The following GLO1 variants were observed in gnomAD, a reference collection of about 807,000 sequenced individuals.
GLO1 encodes lactoylglutathione lyase.
A neutral mutation model predicts 26.0 loss-of-function variants in GLO1; 28 were observed. The ratio of observed to expected loss-of-function variants is 1.08; its 90% CI spans 0.80 to 1.48. The LOEUF (loss-of-function observed/expected upper bound fraction) is 1.48, where lower values mean the gene tolerates loss of function less well. Among genes scored for constraint, GLO1 ranks in the 40% most tolerant of loss-of-function variants. The probability of loss-of-function intolerance (pLI) is 0.00; values close to 1 mark genes in which losing one functional copy is unlikely to be tolerated. For missense variants in GLO1, 225 were observed against 224.8 expected, an observed-to-expected ratio of 1.00 and a Z score of -0.01; for synonymous variants, 78 against 77.6, an observed-to-expected ratio of 1.00 and a Z score of -0.03.
Position 38,703,082 on chromosome 6 carries a change from G to A in GLO1, c.-28C>T. ...CTGCGCTGCAGTATCACAGACGACGGGACCCAAGGAACGGAGGAGTCACCC... is the reference window on the plus strand; with the variant it reads ...CTGCGCTGCAGTATCACAGACGACGAGACCCAAGGAACGGAGGAGTCACCC... On this transcript the variant is annotated 5_prime_UTR_variant, in exon 1 of 6. Coordinates refer to ENST00000373365, the MANE Select transcript of GLO1 (RefSeq NM_006708.3). 1.5e-6 allele frequency: 2 copies of A among 1,352,932 alleles called. No individual in the cohort carries two copies. Among genetic ancestry groups the A allele is most frequent in the Non-Finnish European group, 2.1e-6 (2 of 955,672 alleles). The allele number at this position is 1,352,932 out of a possible 1,614,324, so 83.8% of individuals were successfully genotyped here.
intron 5 of GLO1, among the ~76,000 whole-genome samples, chr6:38,677,732 T>C (rs1562479096): frequency 6.6e-6 from 1 of 152,260 alleles, no homozygotes; most frequent in Admixed American, 6.5e-5. Flanking sequence ...CTTTTATTAA[T>C]TAAAGATTTA....
chr6:38,696,154 T>C (rs1353836652), intron 1 of GLO1, among the ~76,000 whole-genome samples: 2 of 151,450 alleles, frequency 1.3e-5, no homozygotes, highest in African/African-American at 4.8e-5. Context: ...CAATGGGATA[T>C]GAGTGTATTT....
At chr6:38,692,991 TC>T in intron 1 of GLO1, among the ~76,000 whole-genome samples, 1 of 152,136 alleles carries the variant, frequency 6.6e-6, no homozygotes, top group African/African-American at 2.4e-5. Context: ...TCTGTAGTTT[TC>T]TTGTACTGTC....
intron 3 of GLO1, among the ~76,000 whole-genome samples, chr6:38,683,844 G>A (rs929753515): frequency 1.3e-4 from 20 of 151,880 alleles, no homozygotes; most frequent in Non-Finnish European, 1.9e-4. Flanking sequence ...CCGAGATCGC[G>A]CCACTGCACT....
At chr6:38,679,873 C>A (rs1445766046) in intron 5 of GLO1, among the ~76,000 whole-genome samples, 1 of 150,658 alleles carries the variant, frequency 6.6e-6, no homozygotes, top group African/African-American at 2.4e-5. Context: ...GCAAACTAAG[C>A]GAAAATTAGA....
intron 1 of GLO1, among the ~76,000 whole-genome samples, chr6:38,693,679 C>CTATA (rs1303486732): frequency 1.7e-3 from 160 of 96,332 alleles, no homozygotes; most frequent in African/African-American, 4.6e-3. Flanking sequence ...CTCTCTCTCT[C>CTATA]TCTCTCTATA....
intron 2 of GLO1, among the ~76,000 whole-genome samples, chr6:38,686,397 A>AAAAAG (rs1190012396): frequency 3.9e-5 from 6 of 152,256 alleles, no homozygotes; most frequent in African/African-American, 1.4e-4. Flanking sequence ...AGCTGGAGAA[A>AAAAAG]AAAAGAAAAA....
chr6:38,702,181 C>A (rs1412716008), intron 1 of GLO1, among the ~76,000 whole-genome samples: 2 of 152,156 alleles, frequency 1.3e-5, no homozygotes, highest in Admixed American at 6.5e-5. Context: ...CCCGCCTTGG[C>A]CTCCCAAAGT....
chr6:38,680,642 T>C (rs1761359130), intron 5 of GLO1, among the ~76,000 whole-genome samples: 2 of 152,192 alleles, frequency 1.3e-5, no homozygotes, highest in South Asian at 4.1e-4. Flanking sequence ...GTAATCCCAG[T>C]GCTTTGGGAG....
intron 1 of GLO1, among the ~76,000 whole-genome samples, chr6:38,693,162 ATCT>A (rs144027100): frequency 0.022 from 3,281 of 152,260 alleles, 90 homozygotes; most frequent in African/African-American, 0.074. Context: ...GTCTGGACAA[ATCT>A]TCTTTGGAAG....
intron 1 of GLO1, among the ~76,000 whole-genome samples, chr6:38,699,353 T>C (rs897883727): frequency 6.6e-6 from 1 of 152,224 alleles, no homozygotes; most frequent in African/African-American, 2.4e-5. Flanking sequence ...ACCACTGAGA[T>C]AATTGTGTTA....
intron 2 of GLO1, among the ~76,000 whole-genome samples, chr6:38,685,203 G>A (rs1186488644): frequency 1.3e-5 from 2 of 152,188 alleles, no homozygotes; most frequent in Non-Finnish European, 2.9e-5. Context: ...TAAAACAGTA[G>A]CAAGCATGGC....
intron 1 of GLO1, among the ~76,000 whole-genome samples, chr6:38,687,636 G>C (rs1408764666): frequency 2.6e-5 from 4 of 152,158 alleles, no homozygotes; most frequent in Non-Finnish European, 5.9e-5. Flanking sequence ...GAAACAGAAG[G>C]CTTGACTGAG....
chr6:38,682,703 A>G lies in GLO1; in HGVS notation c.376+105T>C, dbSNP rs1582774686. 5.0e-6 allele frequency: 3 copies of G among 605,530 alleles called. No homozygotes were observed. The East Asian group carries it at 8.6e-5, about 17-fold the overall frequency. 37.5% of individuals were successfully genotyped at this position (605,530 alleles called of 1,614,324 possible). On this transcript the variant is annotated intron_variant, in intron 4 of 5. Coordinates refer to ENST00000373365, the MANE Select transcript of GLO1 (RefSeq NM_006708.3). Reference sequence around the variant, plus strand: ...ATCATATCTCTAATAAATTGATCATACTTAATTAGGACATTAATGTTTTAG... The same window carrying G: ...ATCATATCTCTAATAAATTGATCATGCTTAATTAGGACATTAATGTTTTAG...
intron 5 of GLO1, among the ~76,000 whole-genome samples, chr6:38,681,100 G>A (rs1160648814): frequency 6.6e-6 from 1 of 152,146 alleles, no homozygotes; most frequent in African/African-American, 2.4e-5. Context: ...GTCTCACTCT[G>A]TCGCCCAGGC....
chr6:38,678,006 G>C (rs903307069), intron 5 of GLO1, among the ~76,000 whole-genome samples: 1 of 152,240 alleles, frequency 6.6e-6, no homozygotes, highest in Admixed American at 6.5e-5. Flanking sequence ...AAAGAAAATA[G>C]GGAGGTGCTG....
intron 1 of GLO1, among the ~76,000 whole-genome samples, chr6:38,687,619 T>G (rs550226899): frequency 6.6e-6 from 1 of 152,354 alleles, no homozygotes; most frequent in South Asian, 2.1e-4. Flanking sequence ...TTCAACTTAC[T>G]TATCAGGAAA....
At chr6:38,688,555 T>C (rs929995592) in intron 1 of GLO1, among the ~76,000 whole-genome samples, 3 of 152,236 alleles carry the variant, frequency 2.0e-5, no homozygotes, top group African/African-American at 7.2e-5. Context: ...TGGTAGCTGC[T>C]TCTCTATTGA....
chr6:38,681,918 T>C (rs1235595397), intron 5 of GLO1, 94 bp downstream of exon 5: 3 of 723,312 alleles, frequency 4.1e-6, no homozygotes, highest in African/African-American at 1.8e-5. Flanking sequence ...CTGTTACTTG[T>C]AGCCAAAAGG....
Sources: allele counts gnomAD v4.1 joint callset (sites outside exome capture counted in the v4.1 genomes callset), GRCh38; gene constraint gnomAD v4.1.1; transcripts MANE v1.5; gene names NCBI Gene and HGNC (gene_info 2026-07-23, HGNC 2026-07-21).